ITSN2: variants seen among roughly 807,000 people sequenced by gnomAD.
The protein encoded by ITSN2 is intersectin-2.
ITSN2 carries 156 observed loss-of-function variants against 243.7 expected under a neutral mutation model. The ratio of observed to expected loss-of-function variants is 0.64; its 90% CI spans 0.56 to 0.73. The LOEUF is 0.73. Ranked by LOEUF, ITSN2 falls within the 30% of genes least tolerant of loss-of-function variation. The pLI, the probability that ITSN2 is intolerant of heterozygous loss-of-function variation, is 0.00. For missense variants in ITSN2, 1,801 were observed against 1,996.1 expected (o/e 0.90, Z 1.86); for synonymous variants, 703 against 699.9 (o/e 1.00, Z -0.07).
chr2:24,227,135 C>G (rs13393283), intron 29 of ITSN2, among the ~76,000 whole-genome samples: 1 of 151,574 alleles, frequency 6.6e-6, no homozygotes, highest in African/African-American at 2.4e-5. Flanking sequence ...AAAAGAAAAA[C>G]AAAAAACAAC....
At chr2:24,323,276 G>A (rs1434116054) in intron 2 of ITSN2, among the ~76,000 whole-genome samples, 3 of 152,122 alleles carry the variant, frequency 2.0e-5, no homozygotes, top group African/African-American at 7.2e-5. Flanking sequence ...CCTGTTCTCT[G>A]ATGGTTATAG....
At chr2:24,339,336 C>A (rs952740592) in intron 1 of ITSN2, among the ~76,000 whole-genome samples, 4 of 151,780 alleles carry the variant, frequency 2.6e-5, no homozygotes, top group Admixed American at 6.6e-5. Context: ...CCGGGTGTGG[C>A]GGTGCATGCC....
At chr2:24,315,569 A>G (rs1243696844) in intron 2 of ITSN2, among the ~76,000 whole-genome samples, 2 of 152,256 alleles carry the variant, frequency 1.3e-5, no homozygotes, top group Non-Finnish European at 2.9e-5. Flanking sequence ...AATCCTAAGC[A>G]GAACTATATA....
chr2:24,247,348 A>C (rs1309119993), intron 27 of ITSN2, among the ~76,000 whole-genome samples: 1 of 152,224 alleles, frequency 6.6e-6, no homozygotes, highest in Non-Finnish European at 1.5e-5. Flanking sequence ...GACAACTGGA[A>C]GCTCTGTTTT....
At chr2:24,261,412 A>T in intron 21 of ITSN2, 149 bp downstream of exon 21, 1 of 886,180 alleles carries the variant, frequency 1.1e-6, no homozygotes, top group East Asian at 2.6e-5. Context: ...TCACTTACTA[A>T]ATTTCAGTAT....
At chr2:24,254,498 T>G (rs566329437) in intron 23 of ITSN2, 67 bp from the exon 24 acceptor site, 77 of 1,290,604 alleles carry the variant, frequency 6.0e-5, no homozygotes, top group Non-Finnish European at 8.4e-5. Context: ...AAAGGTGATT[T>G]GATGCACAGC....
chr2:24,273,637 G>A (rs1677652880), intron 18 of ITSN2: 2 of 151,970 alleles, frequency 1.3e-5, no homozygotes, highest in South Asian at 4.2e-4. Flanking sequence ...GGACAACCTG[G>A]ATAAGGCTCC....
At chr2:24,240,529 T>G (rs4233704) in intron 29 of ITSN2, 148,919 of 152,270 alleles carry the variant, frequency 0.98, 72,818 homozygotes, top group East Asian at 0.99. Flanking sequence ...ACAGACATTA[T>G]AACTTTATGA....
intron 15 of ITSN2, chr2:24,293,302 G>A (rs1029888937): frequency 2.5e-5 from 4 of 158,192 alleles, no homozygotes; most frequent in African/African-American, 9.6e-5. Context: ...AGAATCCCAG[G>A]TGCGGCCCCA....
At chr2:24,282,493 G>C (rs1272399834) in intron 17 of ITSN2, among the ~76,000 whole-genome samples, 1 of 152,210 alleles carries the variant, frequency 6.6e-6, no homozygotes, top group African/African-American at 2.4e-5. Context: ...GAAACCCTGG[G>C]ATACAGAAAT....
chr2:24,285,035 T>C (rs574456970), intron 16 of ITSN2, among the ~76,000 whole-genome samples, 192 bp from the exon 17 acceptor site: 100 of 151,902 alleles, frequency 6.6e-4, no homozygotes, highest in Non-Finnish European at 1.0e-3. Context: ...TAGCTGGGAC[T>C]ACAGGCGCAT....
chr2:24,281,292 A>G (rs181541597), intron 17 of ITSN2, among the ~76,000 whole-genome samples: 1 of 152,340 alleles, frequency 6.6e-6, no homozygotes, highest in East Asian at 1.9e-4. Context: ...AGCCTCCCAA[A>G]GTGCAGGGAT....
chr2:24,234,945 C>T (rs1671992291), intron 29 of ITSN2, among the ~76,000 whole-genome samples: 1 of 152,152 alleles, frequency 6.6e-6, no homozygotes, highest in Admixed American at 6.5e-5. Flanking sequence ...CATTTACAAA[C>T]TAAACATACT....
chr2:24,203,839 G>A (rs1668560318), intron 39 of ITSN2, 56 bp from the exon 40 acceptor site: 2 of 1,532,686 alleles, frequency 1.3e-6, no homozygotes, highest in Non-Finnish European at 1.8e-6. Flanking sequence ...AATCATTAAA[G>A]AGCTACATCC....
intron 24 of ITSN2, 111 bp from the exon 25 acceptor site, chr2:24,252,622 G>A: frequency 1.7e-6 from 1 of 583,756 alleles, no homozygotes; most frequent in East Asian, 3.2e-5. Context: ...AAAAGACCTT[G>A]TGCCTTCAGG....
rs575893544 is a variant in ITSN2 at position 24,209,694 on chromosome 2, G to A, written c.4473+124C>T. On this transcript the variant is annotated intron_variant, in intron 35 of 39. Coordinates refer to ENST00000355123, the MANE Select transcript of ITSN2 (RefSeq NM_006277.3). The stretch of plus-strand genomic sequence containing the variant: ...CCGTGGGAAGCAGCAAAGGAAGCAC[G>A]AGCGATCTGGAACCAGGTGAGGAGG... The A allele has an allele frequency of 1.7e-3, 1,205 of 722,940 alleles. 15 individuals carry two copies. Among genetic ancestry groups the A allele is most frequent in the South Asian group, 0.014 (778 of 57,462 alleles). 44.8% of individuals were successfully genotyped at this position (722,940 alleles called of 1,614,324 possible). A position where few individuals can be genotyped will look rare whatever the true frequency, so the allele number is the denominator to read the frequency against.
chr2:24,316,206 T>C (rs1683904905), intron 2 of ITSN2, among the ~76,000 whole-genome samples: 1 of 152,154 alleles, frequency 6.6e-6, no homozygotes, highest in Non-Finnish European at 1.5e-5. Flanking sequence ...AGGTCTTAAA[T>C]ACCATCCTCA....
Position 24,292,411 on chromosome 2 carries a change from G to C in ITSN2, c.1723+1277C>G, listed in dbSNP as rs1379445800. On this transcript the variant is annotated intron_variant, in intron 15 of 39. Transcript: ENST00000355123. ...ACCCTGACTCTGGAATGCCTGTGTA[G>C]GGGTGAGGTGGGGGCTAATATACTT... Among the ~76,000 whole-genome samples, 3 of 6,804 alleles carry C rather than the reference G, an allele frequency of 4.4e-4. No homozygotes were observed. In the South Asian group the frequency reaches 7.2e-3, roughly 16 times the overall value. 4.5% of individuals were successfully genotyped at this position (6,804 alleles called of 152,430 possible).
chr2:24,324,534 T>A (rs1229666817), intron 2 of ITSN2, among the ~76,000 whole-genome samples: 1 of 152,112 alleles, frequency 6.6e-6, no homozygotes, highest in South Asian at 2.1e-4. Context: ...TTCATATTCA[T>A]TCATTCAGTA....
Sources: gnomAD v4.1 joint callset for allele counts (sites outside exome capture counted in the v4.1 genomes callset) on GRCh38, gnomAD v4.1.1 for gene constraint, MANE v1.5 for transcripts, NCBI Gene and HGNC (gene_info 2026-07-23, HGNC 2026-07-21) for gene names.